The following MCCC1 variants were observed in gnomAD, a reference collection of about 807,000 sequenced individuals.
MCCC1 encodes methylcrotonyl-CoA carboxylase subunit 1.
Under a neutral mutation model 83.8 loss-of-function variants are expected in MCCC1, and 64 were observed. That is an observed-to-expected ratio of 0.76 (90% confidence interval 0.62 to 0.94). The LOEUF is 0.94. Ranked by LOEUF, MCCC1 falls within the 40% of genes least tolerant of loss-of-function variation. The pLI is 0.00. For missense variants in MCCC1, 807 were observed against 904.7 expected (o/e 0.89, Z 1.39); for synonymous variants, 322 against 315.4 (o/e 1.02, Z -0.22).
At position 183,098,225 on chromosome 3, in the gene MCCC1, C is replaced by T. The variant is rs552988942; in HGVS notation, c.89+1127G>A. On this transcript the variant is annotated intron_variant, in intron 1 of 18. Transcript: ENST00000265594. ...ATTACAGGCGTGAGCTACCGCGCCC[C>T]GCCAACTTCCAACAACTTTCTTATG... Among the ~76,000 whole-genome samples, 33 of 152,332 alleles carry T rather than the reference C, an allele frequency of 2.2e-4. 1 individual carries two copies. The highest frequency in any genetic ancestry group is 7.2e-4 in the African/African-American group (30 of 41,578).
At chr3:183,094,485 G>A (rs866266697) in intron 2 of MCCC1, 74 bp downstream of exon 2, 44 of 1,384,314 alleles carry the variant, frequency 3.2e-5, no homozygotes, top group Admixed American at 1.3e-4. Context: ...TATATTAAGG[G>A]ATTAAACATT....
intron 7 of MCCC1, among the ~76,000 whole-genome samples, chr3:183,059,687 G>A (rs1003327927): frequency 6.6e-6 from 1 of 152,104 alleles, no homozygotes; most frequent in Non-Finnish European, 1.5e-5. Flanking sequence ...TGCAAGACAG[G>A]TCTACTGGTG....
chr3:183,083,551 C>G (rs1717673198), intron 4 of MCCC1, among the ~76,000 whole-genome samples: 1 of 152,120 alleles, frequency 6.6e-6, no homozygotes, highest in Admixed American at 6.5e-5. Context: ...TCTTTTCAAA[C>G]ATTCTTTGAA....
At chr3:183,021,474 C>T (rs1712158892) in intron 16 of MCCC1, among the ~76,000 whole-genome samples, 1 of 152,186 alleles carries the variant, frequency 6.6e-6, no homozygotes, top group Non-Finnish European at 1.5e-5. Context: ...CCTGCCTTGG[C>T]CTCCCAAAGT....
intron 7 of MCCC1, among the ~76,000 whole-genome samples, chr3:183,058,007 G>A (rs1047843030): frequency 6.6e-5 from 10 of 152,138 alleles, no homozygotes; most frequent in African/African-American, 2.2e-4. Context: ...ATGAATGAAT[G>A]AATGAATGAA....
At chr3:183,028,371 G>A (rs1560209771) in intron 14 of MCCC1, among the ~76,000 whole-genome samples, 1 of 152,194 alleles carries the variant, frequency 6.6e-6, no homozygotes, top group South Asian at 2.1e-4. Context: ...GACATACAAG[G>A]AGATTAATGT....
chr3:183,035,599 T>C (rs115947327), intron 13 of MCCC1, among the ~76,000 whole-genome samples: 1,992 of 151,830 alleles, frequency 0.013, 48 homozygotes, highest in African/African-American at 0.046. Context: ...ACTGTTCCAA[T>C]GAGCATTTCC....
At chr3:183,059,522 T>G (rs1218891186) in intron 7 of MCCC1, among the ~76,000 whole-genome samples, 1 of 152,204 alleles carries the variant, frequency 6.6e-6, no homozygotes, top group East Asian at 1.9e-4. Context: ...CTGTTATCTG[T>G]TAAATCAATT....
chr3:183,024,722 A>G (rs1712441138), intron 15 of MCCC1, among the ~76,000 whole-genome samples: 1 of 152,196 alleles, frequency 6.6e-6, no homozygotes, highest in South Asian at 2.1e-4. Flanking sequence ...TACAGCTGCA[A>G]TGGAAAACAG....
chr3:183,088,992 G>C (rs1461018373), intron 3 of MCCC1, among the ~76,000 whole-genome samples: 1 of 152,212 alleles, frequency 6.6e-6, no homozygotes, highest in Non-Finnish European at 1.5e-5. Context: ...CACAATATAT[G>C]TGAGCACGTC....
At chr3:183,082,971 C>CAA (rs1389114152) in intron 4 of MCCC1, among the ~76,000 whole-genome samples, 6 of 151,610 alleles carry the variant, frequency 4.0e-5, no homozygotes, top group Admixed American at 2.6e-4. Context: ...GCCTGGGAGA[C>CAA]AGAGTGAGAC....
chr3:183,067,605 AC>A (rs1179698285), intron 7 of MCCC1, among the ~76,000 whole-genome samples: 2 of 152,184 alleles, frequency 1.3e-5, no homozygotes, highest in African/African-American at 4.8e-5. Context: ...ATTTAGACTA[AC>A]CCTGCTTATT....
chr3:183,049,520 C>G (rs141344827), intron 9 of MCCC1, among the ~76,000 whole-genome samples: 2 of 147,834 alleles, frequency 1.4e-5, no homozygotes, highest in East Asian at 4.0e-4. Flanking sequence ...TGCAGTGAGC[C>G]AAGATCTCAC....
At chr3:183,028,466 T>C (rs976182390) in intron 14 of MCCC1, among the ~76,000 whole-genome samples, 1 of 152,230 alleles carries the variant, frequency 6.6e-6, no homozygotes, top group Admixed American at 6.5e-5. Flanking sequence ...AAGAAATATA[T>C]TTTGTAAGGC....
chr3:183,027,737 C>T (rs560644197), intron 14 of MCCC1, among the ~76,000 whole-genome samples: 1 of 152,274 alleles, frequency 6.6e-6, no homozygotes, highest in Admixed American at 6.5e-5. Context: ...AAGATCAAAC[C>T]AGCCACAACA....
intron 14 of MCCC1, among the ~76,000 whole-genome samples, chr3:183,032,929 A>C (rs1713205723): frequency 6.6e-6 from 1 of 152,140 alleles, no homozygotes. Context: ...GAGGTGAAGT[A>C]AAAGAGATTT....
At chr3:183,091,165 G>A in intron 3 of MCCC1, 2 of 362,858 alleles carry the variant, frequency 5.5e-6, no homozygotes, top group South Asian at 4.1e-5. Context: ...TAAAAGCCCA[G>A]GTGAGGCTGC....
intron 7 of MCCC1, among the ~76,000 whole-genome samples, chr3:183,068,177 T>G (rs997128554): frequency 6.6e-6 from 1 of 152,224 alleles, no homozygotes; most frequent in African/African-American, 2.4e-5. Context: ...GAATAGGAGC[T>G]GGGTAAAATA....
chr3:183,091,983 C>T (rs112042343), intron 3 of MCCC1, among the ~76,000 whole-genome samples: 12 of 151,130 alleles, frequency 7.9e-5, no homozygotes, highest in African/African-American at 2.7e-4. Context: ...ACCTGAGAGG[C>T]GGAGCTTGCA....
Sources: gnomAD v4.1 joint callset for allele counts (sites outside exome capture counted in the v4.1 genomes callset) on GRCh38, gnomAD v4.1.1 for gene constraint, MANE v1.5 for transcripts, NCBI Gene and HGNC (gene_info 2026-07-23, HGNC 2026-07-21) for gene names.